Variants in SDK1 observed in about 807,000 individuals in gnomAD.
SDK1 encodes the protein sidekick cell adhesion molecule 1, also known as protein sidekick-1.
In SDK1, 157 loss-of-function variants were observed where a neutral mutation model predicts 245.5. That is an observed-to-expected ratio of 0.64 (90% CI 0.56 to 0.73). The LOEUF is 0.73. Ranked by LOEUF, SDK1 falls within the 30% of genes least tolerant of loss-of-function variation. The pLI is 0.00. For synonymous variants in SDK1, 1,647 were observed against 1,278.5 expected, an observed-to-expected ratio of 1.29 and a Z score of -6.15; for missense variants, 3,583 against 3,002.3, an observed-to-expected ratio of 1.19 and a Z score of -4.52.
chr7:3,518,676 A>G (rs934025047), intron 1 of SDK1, among the ~76,000 whole-genome samples: 6 of 150,894 alleles, frequency 4.0e-5, no homozygotes, highest in Non-Finnish European at 8.8e-5. Context: ...AAAGACAAAA[A>G]AAAACATGCT....
chr7:3,468,874 CCT>C (rs1245499326), intron 1 of SDK1, among the ~76,000 whole-genome samples: 1 of 152,148 alleles, frequency 6.6e-6, no homozygotes, highest in Non-Finnish European at 1.5e-5. Flanking sequence ...TATTCATTGT[CCT>C]CTCATCAGTG....
chr7:3,812,727 C>T (rs1779415459), intron 4 of SDK1, among the ~76,000 whole-genome samples: 1 of 152,172 alleles, frequency 6.6e-6, no homozygotes, highest in South Asian at 2.1e-4. Context: ...AGAAGTATAA[C>T]TTACCCTTTC....
chr7:3,563,390 G>A (rs1436440411), intron 1 of SDK1, among the ~76,000 whole-genome samples: 1 of 152,068 alleles, frequency 6.6e-6, no homozygotes, highest in Non-Finnish European at 1.5e-5. Flanking sequence ...AAAGAAGTTG[G>A]AAATAAAAGG....
chr7:3,361,928 C>A (rs1249320210), intron 1 of SDK1, among the ~76,000 whole-genome samples: 3 of 152,174 alleles, frequency 2.0e-5, no homozygotes, highest in Non-Finnish European at 2.9e-5. Context: ...TATCTAAGAG[C>A]AGATTACATT....
intron 38 of SDK1, among the ~76,000 whole-genome samples, chr7:4,211,998 G>A (rs1784538549): frequency 6.6e-6 from 1 of 152,204 alleles, no homozygotes; most frequent in Admixed American, 6.5e-5. Flanking sequence ...GGTCTGGGAG[G>A]CACGTCTTTC....
At chr7:3,450,479 C>G (rs1051260946) in intron 1 of SDK1, among the ~76,000 whole-genome samples, 2 of 151,990 alleles carry the variant, frequency 1.3e-5, no homozygotes, top group Non-Finnish European at 2.9e-5. Context: ...AGTAGCAGTG[C>G]TAGCATTTGG....
At chr7:3,615,155 G>C (rs180851400) in intron 1 of SDK1, among the ~76,000 whole-genome samples, 1 of 151,504 alleles carries the variant, frequency 6.6e-6, no homozygotes, top group Non-Finnish European at 1.5e-5. Context: ...TGACTCATTC[G>C]TGTAGGACAC....
At chr7:3,484,671 C>T (rs935654545) in intron 1 of SDK1, among the ~76,000 whole-genome samples, 1 of 152,160 alleles carries the variant, frequency 6.6e-6, no homozygotes, top group Non-Finnish European at 1.5e-5. Context: ...TCTCCCCTGC[C>T]CTTCCTAGCC....
intron 5 of SDK1, among the ~76,000 whole-genome samples, chr7:3,840,345 T>C (rs1013874651): frequency 2.0e-5 from 3 of 152,186 alleles, no homozygotes; most frequent in Non-Finnish European, 4.4e-5. Context: ...AACAAAAATC[T>C]TTTAAATATC....
chr7:3,778,771 T>C (rs539840646), intron 4 of SDK1, among the ~76,000 whole-genome samples: 3 of 152,332 alleles, frequency 2.0e-5, no homozygotes, highest in South Asian at 4.1e-4. Context: ...TTCATAATTA[T>C]TTAATGTAAA....
At chr7:3,602,844 A>C (rs1036068459) in intron 1 of SDK1, among the ~76,000 whole-genome samples, 1 of 152,104 alleles carries the variant, frequency 6.6e-6, no homozygotes, top group African/African-American at 2.4e-5. Flanking sequence ...ATCTTGAATT[A>C]ATTTTTGTAT....
chr7:4,178,609 C>A (rs777529397), intron 35 of SDK1, 23 bp downstream of exon 35: 2 of 1,563,026 alleles, frequency 1.3e-6, no homozygotes, highest in Admixed American at 3.3e-5. Flanking sequence ...CACCCCCAAC[C>A]CCACTGCCAG....
At chr7:3,898,850 G>T (rs191293892) in intron 5 of SDK1, among the ~76,000 whole-genome samples, 6 of 151,996 alleles carry the variant, frequency 3.9e-5, no homozygotes, top group African/African-American at 1.4e-4. Context: ...TTCTTTACTA[G>T]GCTAAATTCA....
chr7:3,444,294 C>T (rs922246547), intron 1 of SDK1, among the ~76,000 whole-genome samples: 37 of 152,166 alleles, frequency 2.4e-4, no homozygotes, highest in African/African-American at 8.2e-4. Context: ...TGTTGGACAT[C>T]TCCACTTGGA....
At chr7:3,331,899 G>A (rs11974237) in intron 1 of SDK1, among the ~76,000 whole-genome samples, 21,682 of 152,148 alleles carry the variant, frequency 0.14, 2,368 homozygotes, top group African/African-American at 0.31. Context: ...ACAATAAAAT[G>A]TAACCTTGCA....
At chr7:3,573,884 T>C (rs1780197590) in intron 1 of SDK1, among the ~76,000 whole-genome samples, 1 of 151,952 alleles carries the variant, frequency 6.6e-6, no homozygotes, top group Non-Finnish European at 1.5e-5. Flanking sequence ...ATAAACTGAA[T>C]GTGTAATTAA....
Position 3,375,519 on chromosome 7 carries a change from A to G in SDK1, c.298+73635A>G, listed in dbSNP as rs529065889. 2.0e-5 allele frequency among the ~76,000 whole-genome samples: 3 copies of G among 152,326 alleles called. No homozygotes were observed. In the South Asian group the frequency reaches 6.2e-4, roughly 32 times the overall value. On this transcript the variant is annotated intron_variant, in intron 1 of 44. Transcript: ENST00000404826. ...AGGGCTGACCTGTGTAACCAGTAGG[A>G]TAGAATGAAGAGGATAGTGTGTGAC...
chr7:3,400,283 T>A (rs1452233695), intron 1 of SDK1, among the ~76,000 whole-genome samples: 1 of 152,092 alleles, frequency 6.6e-6, no homozygotes, highest in African/African-American at 2.4e-5. Context: ...AGATAATGCT[T>A]TAGATTGTTG....
chr7:3,338,592 C>T (rs759116538), intron 1 of SDK1: 1 of 244,364 alleles, frequency 4.1e-6, no homozygotes, highest in South Asian at 7.6e-5. Context: ...CCTATGAATC[C>T]ATGGCATGAT....
Sources: allele counts gnomAD v4.1 joint callset (sites outside exome capture counted in the v4.1 genomes callset), GRCh38; gene constraint gnomAD v4.1.1; transcripts MANE v1.5; gene names NCBI Gene and HGNC (gene_info 2026-07-23, HGNC 2026-07-21).